The following PCDHA4 variants were observed in gnomAD, a reference collection of about 807,000 sequenced individuals.
PCDHA4 encodes protocadherin alpha 4.
In PCDHA4, 49 loss-of-function variants were observed where a neutral mutation model predicts 61.4. The observed-to-expected ratio is 0.80, with a 90% CI of 0.63 to 1.01. The LOEUF (loss-of-function observed/expected upper bound fraction) is 1.01. Ranked by LOEUF, PCDHA4 falls within the 50% of genes least tolerant of loss-of-function variation. PCDHA4 has a pLI of 0.00. For synonymous variants in PCDHA4, 590 were observed against 550.3 expected, an observed-to-expected ratio of 1.07 and a Z score of -1.01; for missense variants, 1,254 against 1,235.8, an observed-to-expected ratio of 1.01 and a Z score of -0.22.
chr5:140,925,330 A>G (rs1459062876), intron 1 of PCDHA4, among the ~76,000 whole-genome samples: 2 of 152,132 alleles, frequency 1.3e-5, no homozygotes, highest in African/African-American at 4.8e-5. Context: ...CCTGTATTAA[A>G]AGAAGGATTT....
At chr5:140,934,636 G>A (rs782329021) in intron 1 of PCDHA4, among the ~76,000 whole-genome samples, 17 of 151,974 alleles carry the variant, frequency 1.1e-4, no homozygotes, top group Non-Finnish European at 1.9e-4. Flanking sequence ...CACAGGAAAG[G>A]CAGGATAAAT....
chr5:140,861,480 T>G, intron 1 of PCDHA4: 1 of 490,608 alleles, frequency 2.0e-6, no homozygotes, highest in Non-Finnish European at 4.2e-6. Flanking sequence ...GAATGGCATT[T>G]TTGTGAGTTC....
intron 3 of PCDHA4, among the ~76,000 whole-genome samples, chr5:141,001,710 G>A (rs1422821009): frequency 6.6e-6 from 1 of 152,208 alleles, no homozygotes; most frequent in Non-Finnish European, 1.5e-5. Flanking sequence ...AGGGGGCGGG[G>A]AAGGAGCTTG....
At chr5:140,840,754 G>A (rs1776856171) in intron 1 of PCDHA4, among the ~76,000 whole-genome samples, 1 of 152,010 alleles carries the variant, frequency 6.6e-6, no homozygotes. Flanking sequence ...AAGAACACAA[G>A]AAGATAAAAT....
chr5:140,917,332 G>GA, intron 1 of PCDHA4, among the ~76,000 whole-genome samples: 1 of 145,644 alleles, frequency 6.9e-6, no homozygotes, highest in Non-Finnish European at 1.5e-5. Context: ...GGCGGGGGAG[G>GA]GGGGGGATGG....
At chr5:141,000,595 T>G (rs1438785385) in intron 3 of PCDHA4, among the ~76,000 whole-genome samples, 1 of 150,924 alleles carries the variant, frequency 6.6e-6, no homozygotes, top group African/African-American at 2.4e-5. Context: ...GCCCAGCTAA[T>G]TTTTGTATTT....
intron 1 of PCDHA4, chr5:140,842,446 C>G: frequency 6.2e-7 from 1 of 1,613,788 alleles, no homozygotes; most frequent in Non-Finnish European, 8.5e-7. Flanking sequence ...TTAGCGTGAA[C>G]GACCTCGATT....
At chr5:140,997,910 A>T (rs2097790102) in intron 3 of PCDHA4, among the ~76,000 whole-genome samples, 2 of 152,234 alleles carry the variant, frequency 1.3e-5, no homozygotes. Flanking sequence ...AAGTAGAATT[A>T]CAGAATCATA....
rs1026448396 is a variant in PCDHA4 at position 140,869,464 on chromosome 5, G to A, written c.2385+59892G>A. 1.1e-5 allele frequency: 18 copies of A among 1,614,080 alleles called. No individual in the cohort carries two copies. Among genetic ancestry groups the A allele is most frequent in the Non-Finnish European group, 1.4e-5 (17 of 1,180,040 alleles). ...GCCGCTGCAGGTTTTCCATGTGAAC[G>A]TGGAGGTGAAGGACATTAACGACAA... On this transcript the variant is annotated intron_variant, in intron 1 of 3. Transcript: ENST00000530339.
chr5:140,807,103 C>A lies in PCDHA4; in HGVS notation c.-85C>A. ...TTTGGAGTCTGAAATATGGAGGATGCAGCTGCACTTGACTGACCGATTAAA... is the reference window on the plus strand; with the variant it reads ...TTTGGAGTCTGAAATATGGAGGATGAAGCTGCACTTGACTGACCGATTAAA... On this transcript the variant is annotated 5_prime_UTR_variant, in exon 1 of 4. Transcript: ENST00000530339. 1 of 1,432,858 alleles carries A rather than the reference C, an allele frequency of 7.0e-7. No homozygotes were observed. Among genetic ancestry groups the A allele is most frequent in the Non-Finnish European group, 9.5e-7 (1 of 1,047,554 alleles). The allele number at this position is 1,432,858 out of a possible 1,614,324, so 88.8% of individuals were successfully genotyped here.
rs1265467066 is a variant in PCDHA4 at position 140,843,106 on chromosome 5, C to A, written c.2385+33534C>A. On this transcript the variant is annotated intron_variant, in intron 1 of 3. Coordinates refer to ENST00000530339, the MANE Select transcript of PCDHA4 (RefSeq NM_018907.4). ...CGGGCCACGTGGTAGCGAAGGTGCGCGCAGTGGACGCCGACTCGGGCTACA... is the reference window on the plus strand; with the variant it reads ...CGGGCCACGTGGTAGCGAAGGTGCGAGCAGTGGACGCCGACTCGGGCTACA... 1.7e-5 allele frequency: 27 copies of A among 1,595,592 alleles called. 2 individuals are homozygous for A. The highest frequency in any genetic ancestry group is 8.4e-5 in the Admixed American group (5 of 59,298).
intron 1 of PCDHA4, chr5:140,815,069 T>C (rs1392861131): frequency 6.6e-6 from 1 of 152,164 alleles, no homozygotes; most frequent in Admixed American, 6.5e-5. Flanking sequence ...TTTCAGGCTA[T>C]CCAGGTCTTT....
At chr5:140,940,795 A>G (rs2153647229) in intron 1 of PCDHA4, among the ~76,000 whole-genome samples, 1 of 152,276 alleles carries the variant, frequency 6.6e-6, no homozygotes, top group Non-Finnish European at 1.5e-5. Flanking sequence ...TGAAAATGAT[A>G]TTTGCCAGGA....
intron 1 of PCDHA4, among the ~76,000 whole-genome samples, chr5:140,889,404 G>A (rs565254911): frequency 2.0e-5 from 3 of 151,972 alleles, no homozygotes; most frequent in South Asian, 2.1e-4. Context: ...TAATTTACTC[G>A]AGTCAGTTAC....
intron 1 of PCDHA4, among the ~76,000 whole-genome samples, chr5:140,959,954 A>G (rs1054998147): frequency 6.6e-6 from 1 of 152,198 alleles, no homozygotes; most frequent in East Asian, 1.9e-4. Context: ...TATCATAGGT[A>G]GGAGGTAGAT....
chr5:140,891,879 A>G, intron 1 of PCDHA4, among the ~76,000 whole-genome samples: 1 of 152,196 alleles, frequency 6.6e-6, no homozygotes, highest in East Asian at 1.9e-4. Flanking sequence ...TGGCTCTGTC[A>G]TGTGACGATG....
intron 1 of PCDHA4, among the ~76,000 whole-genome samples, chr5:140,948,168 T>G (rs1217978838): frequency 6.6e-6 from 1 of 151,636 alleles, no homozygotes; most frequent in Non-Finnish European, 1.5e-5. Flanking sequence ...AACCTTCCAT[T>G]CCTAGGGTAA....
chr5:140,812,973 C>T lies in PCDHA4; in HGVS notation c.2385+3401C>T, dbSNP rs1765206807. On this transcript the variant is annotated intron_variant, in intron 1 of 3. Coordinates refer to ENST00000530339, the MANE Select transcript of PCDHA4 (RefSeq NM_018907.4). ...CCAGTTTTAATTCCAGTATTGATTT[C>T]TAGTTTTATTCCACTGTGGTCAGAA... The T allele has an allele frequency of 2.0e-5, 3 of 152,186 alleles. No homozygotes were observed. The South Asian group carries it at 6.2e-4, about 32-fold the overall frequency. The allele number at this position is 152,186 out of a possible 1,614,324, so 9.4% of individuals were successfully genotyped here. A position where few individuals can be genotyped will look rare whatever the true frequency, so the allele number is the denominator to read the frequency against.
intron 1 of PCDHA4, among the ~76,000 whole-genome samples, chr5:140,881,754 A>G (rs1554172477): frequency 6.6e-6 from 1 of 152,212 alleles, no homozygotes; most frequent in African/African-American, 2.4e-5. Context: ...CAGTACCACA[A>G]AAACCTACAT....
Sources: gnomAD v4.1 joint callset for allele counts (sites outside exome capture counted in the v4.1 genomes callset) on GRCh38, gnomAD v4.1.1 for gene constraint, MANE v1.5 for transcripts, NCBI Gene and HGNC (gene_info 2026-07-23, HGNC 2026-07-21) for gene names.